CLSTN2: variants seen among roughly 807,000 people sequenced by gnomAD.
CLSTN2 encodes calsyntenin-2.
A neutral mutation model predicts 101.2 loss-of-function variants in CLSTN2; 48 were observed. That is an observed-to-expected ratio of 0.47 (90% CI 0.38 to 0.60). CLSTN2 has a LOEUF of 0.60. CLSTN2 is among the 20% of genes least tolerant of loss of function. CLSTN2 has a pLI of 0.00. For synonymous variants in CLSTN2, 481 were observed against 463.6 expected, an observed-to-expected ratio of 1.04 and a Z score of -0.48; for missense variants, 1,160 against 1,238.2, an observed-to-expected ratio of 0.94 and a Z score of 0.95.
intron 2 of CLSTN2, among the ~76,000 whole-genome samples, chr3:140,374,900 C>A (rs2087899232): frequency 6.6e-6 from 1 of 152,318 alleles, no homozygotes; most frequent in Admixed American, 6.5e-5. Context: ...TCACAGACAA[C>A]TTTATCACTC....
intron 10 of CLSTN2, among the ~76,000 whole-genome samples, chr3:140,553,473 T>C (rs909590950): frequency 6.6e-6 from 1 of 152,202 alleles, no homozygotes; most frequent in Non-Finnish European, 1.5e-5. Flanking sequence ...ACAAAGCCCA[T>C]GCTCTTTTAA....
chr3:140,035,622 G>T (rs991378833), intron 1 of CLSTN2, among the ~76,000 whole-genome samples: 2 of 152,122 alleles, frequency 1.3e-5, no homozygotes, highest in East Asian at 3.9e-4. Flanking sequence ...TGCCTCATAG[G>T]GTTGTTTTGT....
At chr3:140,546,181 C>G (rs879647992) in intron 9 of CLSTN2, among the ~76,000 whole-genome samples, 22 of 152,216 alleles carry the variant, frequency 1.4e-4, no homozygotes, top group Admixed American at 1.3e-4. Context: ...CAGACTGGCA[C>G]AAGGCAGGCC....
chr3:140,374,116 A>G (rs2087889464), intron 2 of CLSTN2, among the ~76,000 whole-genome samples: 1 of 152,074 alleles, frequency 6.6e-6, no homozygotes, highest in African/African-American at 2.4e-5. Flanking sequence ...TACACTTTCA[A>G]TGGCTGCCCC....
chr3:140,493,636 A>G (rs1319114157), intron 8 of CLSTN2, among the ~76,000 whole-genome samples: 3 of 152,208 alleles, frequency 2.0e-5, no homozygotes, highest in Non-Finnish European at 4.4e-5. Flanking sequence ...ACCAGGTCAT[A>G]ATATAACAGA....
intron 4 of CLSTN2, among the ~76,000 whole-genome samples, chr3:140,409,936 T>G (rs1015179513): frequency 6.6e-6 from 1 of 151,762 alleles, no homozygotes; most frequent in African/African-American, 2.4e-5. Flanking sequence ...AGTAGCTGAC[T>G]CAACCAAGCA....
intron 1 of CLSTN2, among the ~76,000 whole-genome samples, chr3:140,028,927 G>T (rs2007488638): frequency 6.6e-6 from 1 of 152,154 alleles, no homozygotes; most frequent in African/African-American, 2.4e-5. Context: ...GTGTCGCTAA[G>T]CAGAAGACCC....
At chr3:140,485,036 C>G (rs1248245493) in intron 8 of CLSTN2, among the ~76,000 whole-genome samples, 2 of 152,180 alleles carry the variant, frequency 1.3e-5, no homozygotes, top group East Asian at 1.9e-4. Context: ...GAGAGGCACT[C>G]TGATTTTTAG....
At chr3:140,488,553 G>A (rs1186588246) in intron 8 of CLSTN2, among the ~76,000 whole-genome samples, 2 of 151,026 alleles carry the variant, frequency 1.3e-5, no homozygotes. Context: ...ACACTCACAT[G>A]CAGAGATAGA....
chr3:140,440,336 G>T (rs752863943), intron 5 of CLSTN2, among the ~76,000 whole-genome samples: 2 of 152,110 alleles, frequency 1.3e-5, no homozygotes, highest in Non-Finnish European at 2.9e-5. Context: ...GGAATTAAAA[G>T]GTAATAAAAT....
At chr3:140,524,489 T>C (rs971585421) in intron 8 of CLSTN2, among the ~76,000 whole-genome samples, 6 of 152,200 alleles carry the variant, frequency 3.9e-5, no homozygotes, top group Non-Finnish European at 7.3e-5. Flanking sequence ...AGCCACACAA[T>C]TGTGAGGGAC....
intron 1 of CLSTN2, among the ~76,000 whole-genome samples, chr3:140,031,896 T>C (rs1380740101): frequency 1.3e-5 from 2 of 152,244 alleles, no homozygotes; most frequent in African/African-American, 4.8e-5. Context: ...ATTGATGGTG[T>C]GATCTTGGGG....
intron 1 of CLSTN2, among the ~76,000 whole-genome samples, chr3:140,167,144 T>A (rs561445574): frequency 9.8e-5 from 15 of 152,348 alleles, no homozygotes; most frequent in African/African-American, 3.6e-4. Flanking sequence ...AGCTCCTGGA[T>A]AATTTCTGTA....
chr3:140,018,176 G>T (rs1296730234), intron 1 of CLSTN2, among the ~76,000 whole-genome samples: 1 of 152,188 alleles, frequency 6.6e-6, no homozygotes, highest in Non-Finnish European at 1.5e-5. Flanking sequence ...TGAGCAATTG[G>T]CTGTGGTCGC....
chr3:140,357,203 G>A (rs1223601499), intron 2 of CLSTN2, among the ~76,000 whole-genome samples: 1 of 152,146 alleles, frequency 6.6e-6, no homozygotes, highest in African/African-American at 2.4e-5. Flanking sequence ...GTGACTAACA[G>A]ATTTTCATTT....
intron 1 of CLSTN2, among the ~76,000 whole-genome samples, chr3:140,162,387 C>A (rs1367964051): frequency 6.6e-6 from 1 of 152,056 alleles, no homozygotes; most frequent in Non-Finnish European, 1.5e-5. Context: ...AAGCAGGGGA[C>A]TTTGGGAGGA....
intron 1 of CLSTN2, among the ~76,000 whole-genome samples, chr3:140,142,825 T>C (rs904972869): frequency 2.0e-5 from 3 of 152,152 alleles, no homozygotes; most frequent in African/African-American, 7.2e-5. Flanking sequence ...TTTGCCCAGC[T>C]GTAAAATTAG....
At chr3:140,005,621 G>A (rs553103341) in intron 1 of CLSTN2, among the ~76,000 whole-genome samples, 16 of 152,224 alleles carry the variant, frequency 1.1e-4, no homozygotes, top group East Asian at 7.7e-4. Flanking sequence ...AATTCCCACC[G>A]TTGAACAGCT....
chr3:140,549,449 C>T (rs1935666600), intron 10 of CLSTN2, among the ~76,000 whole-genome samples: 1 of 151,378 alleles, frequency 6.6e-6, no homozygotes. Context: ...GATCCTCTTC[C>T]ATTCCTAGGG....
Sources: allele counts gnomAD v4.1 joint callset (sites outside exome capture counted in the v4.1 genomes callset), GRCh38; gene constraint gnomAD v4.1.1; transcripts MANE v1.5; gene names NCBI Gene and HGNC (gene_info 2026-07-23, HGNC 2026-07-21).